EYS: variants seen among roughly 807,000 people sequenced by gnomAD.
EYS encodes the protein EGF-like photoreceptor maintenance factor.
A neutral mutation model predicts 282.1 loss-of-function variants in EYS; 250 were observed. That is an observed-to-expected ratio of 0.89 (90% CI 0.80 to 0.98). EYS has a LOEUF of 0.98. EYS is among the 50% of genes least tolerant of loss of function. The pLI, the probability that EYS is intolerant of heterozygous loss-of-function variation, is 0.00. For missense variants in EYS, 4,016 were observed against 3,709.0 expected (o/e 1.08, Z -2.15); for synonymous variants, 1,355 against 1,282.9 (o/e 1.06, Z -1.20).
chr6:63,818,257 A>G (rs1771232799), intron 36 of EYS, among the ~76,000 whole-genome samples: 1 of 152,226 alleles, frequency 6.6e-6, no homozygotes, highest in Non-Finnish European at 1.5e-5. Context: ...ACAGTATATA[A>G]CAACTGTCAT....
chr6:65,178,633 T>A (rs1265014298), intron 12 of EYS, among the ~76,000 whole-genome samples: 1 of 151,960 alleles, frequency 6.6e-6, no homozygotes, highest in Non-Finnish European at 1.5e-5. Context: ...CACCCCACTG[T>A]CAACATTAGA....
intron 12 of EYS, among the ~76,000 whole-genome samples, chr6:65,262,253 T>A (rs1767640957): frequency 6.6e-6 from 1 of 152,146 alleles, no homozygotes; most frequent in South Asian, 2.1e-4. Context: ...CTATTGGTCA[T>A]AATCAATTTA....
At chr6:65,460,401 C>T (rs1249386764) in intron 5 of EYS, among the ~76,000 whole-genome samples, 1 of 151,942 alleles carries the variant, frequency 6.6e-6, no homozygotes, top group Non-Finnish European at 1.5e-5. Context: ...TCCCCTTGTT[C>T]TCCCATCTTG....
chr6:64,476,023 T>C (rs1237745152), intron 26 of EYS, among the ~76,000 whole-genome samples: 1 of 152,186 alleles, frequency 6.6e-6, no homozygotes, highest in African/African-American at 2.4e-5. Context: ...ACTACTGGCC[T>C]CGAGCGATCT....
intron 12 of EYS, among the ~76,000 whole-genome samples, chr6:65,230,716 T>A (rs2150267361): frequency 6.6e-6 from 1 of 151,916 alleles, no homozygotes; most frequent in South Asian, 2.1e-4. Flanking sequence ...TATTTTTCTT[T>A]GAGTCATATC....
At chr6:63,906,346 C>A (rs931360256) in intron 35 of EYS, among the ~76,000 whole-genome samples, 1 of 152,176 alleles carries the variant, frequency 6.6e-6, no homozygotes, top group African/African-American at 2.4e-5. Context: ...ACCTATTATG[C>A]AAATAATGCC....
intron 12 of EYS, among the ~76,000 whole-genome samples, chr6:65,263,675 CA>C (rs1314512165): frequency 6.7e-6 from 1 of 149,770 alleles, no homozygotes; most frequent in Non-Finnish European, 1.5e-5. Flanking sequence ...CATAGAACTT[CA>C]ACCTAAAAAG....
chr6:65,255,114 C>A (rs190851614), intron 12 of EYS, among the ~76,000 whole-genome samples: 35 of 151,864 alleles, frequency 2.3e-4, no homozygotes, highest in Non-Finnish European at 4.3e-4. Flanking sequence ...TATCTCATTA[C>A]CTGACTTCAA....
chr6:65,414,752 T>G (rs1767166401), intron 5 of EYS, among the ~76,000 whole-genome samples: 1 of 152,072 alleles, frequency 6.6e-6, no homozygotes, highest in Non-Finnish European at 1.5e-5. Flanking sequence ...ATCTGCAGTT[T>G]CCGGGGTGAG....
chr6:65,404,566 G>A (rs550993910), intron 6 of EYS, among the ~76,000 whole-genome samples: 1 of 151,892 alleles, frequency 6.6e-6, no homozygotes, highest in East Asian at 1.9e-4. Flanking sequence ...ACAAATCTTT[G>A]TATATTGTAG....
chr6:63,994,293 C>A (rs1767734583), intron 34 of EYS, among the ~76,000 whole-genome samples: 1 of 151,874 alleles, frequency 6.6e-6, no homozygotes, highest in Admixed American at 6.6e-5. Context: ...AGTCTAGTGG[C>A]AAGCCTTAAG....
At chr6:64,703,436 T>A (rs1233191038) in intron 22 of EYS, among the ~76,000 whole-genome samples, 36 of 103,934 alleles carry the variant, frequency 3.5e-4, no homozygotes, top group African/African-American at 1.1e-3. Context: ...TATATTTTTT[T>A]TTTTTTTTTT....
intron 19 of EYS, among the ~76,000 whole-genome samples, chr6:64,838,347 T>A (rs1765451414): frequency 6.6e-6 from 1 of 151,842 alleles, no homozygotes; most frequent in Non-Finnish European, 1.5e-5. Context: ...GATGTACATT[T>A]TTACATTAAT....
At chr6:65,080,110 A>G (rs1561955397) in intron 12 of EYS, among the ~76,000 whole-genome samples, 1 of 152,122 alleles carries the variant, frequency 6.6e-6, no homozygotes, top group Non-Finnish European at 1.5e-5. Flanking sequence ...TCTGTTCCCA[A>G]TGACCACTAC....
chr6:65,215,219 G>C (rs879129094), intron 12 of EYS, among the ~76,000 whole-genome samples: 1 of 152,114 alleles, frequency 6.6e-6, no homozygotes, highest in Admixed American at 6.6e-5. Flanking sequence ...ATTCTGGAAA[G>C]GATTCACCAT....
At chr6:64,886,047 A>T (rs1190915066) in intron 19 of EYS, among the ~76,000 whole-genome samples, 2 of 149,384 alleles carry the variant, frequency 1.3e-5, no homozygotes, top group African/African-American at 4.9e-5. Flanking sequence ...GAAAAAATAC[A>T]TATGAAACAA....
intron 28 of EYS, among the ~76,000 whole-genome samples, chr6:64,405,728 A>G (rs1006854625): frequency 3.9e-5 from 6 of 152,180 alleles, no homozygotes; most frequent in African/African-American, 9.7e-5. Context: ...CCCTTTCACA[A>G]TTGCTACAAA....
intron 29 of EYS, among the ~76,000 whole-genome samples, chr6:64,370,926 G>A (rs1442887124): frequency 6.6e-6 from 1 of 151,940 alleles, no homozygotes; most frequent in African/African-American, 2.4e-5. Context: ...CATTAGTCTA[G>A]CTAGCAGTCT....
At chr6:64,888,336 T>A (rs1767164851) in intron 18 of EYS, among the ~76,000 whole-genome samples, 2 of 152,036 alleles carry the variant, frequency 1.3e-5, no homozygotes, top group South Asian at 2.1e-4. Flanking sequence ...ATGCTAATTA[T>A]CCTTATTCGT....
Sources: gnomAD v4.1 joint callset for allele counts (sites outside exome capture counted in the v4.1 genomes callset) on GRCh38, gnomAD v4.1.1 for gene constraint, MANE v1.5 for transcripts, NCBI Gene and HGNC (gene_info 2026-07-23, HGNC 2026-07-21) for gene names.